Variants in OPRD1 observed in about 807,000 individuals in gnomAD.
The protein encoded by OPRD1 is opioid receptor delta 1, also known as delta-type opioid receptor.
OPRD1 carries 19 observed loss-of-function variants against 17.5 expected under a neutral mutation model. The ratio of observed to expected loss-of-function variants is 1.09; its 90% CI spans 0.76 to 1.60. The LOEUF (loss-of-function observed/expected upper bound fraction) is 1.60. Among genes scored for constraint, OPRD1 ranks in the 40% most tolerant of loss-of-function variants. The pLI, the probability that OPRD1 is intolerant of heterozygous loss-of-function variation, is 0.00. For missense variants in OPRD1, 483 were observed against 547.2 expected, an observed-to-expected ratio of 0.88 and a Z score of 1.17; for synonymous variants, 256 against 240.9, an observed-to-expected ratio of 1.06 and a Z score of -0.58.
chr1:28,861,973 A>G (rs1192088623), intron 2 of OPRD1, among the ~76,000 whole-genome samples: 2 of 146,898 alleles, frequency 1.4e-5, no homozygotes, highest in Non-Finnish European at 3.0e-5. Context: ...GTCCAGTGGC[A>G]CGATCTCGGC....
intron 1 of OPRD1, among the ~76,000 whole-genome samples, chr1:28,825,737 A>G (rs1447394500): frequency 6.6e-6 from 1 of 152,238 alleles, no homozygotes; most frequent in African/African-American, 2.4e-5. Flanking sequence ...CTGATAACAC[A>G]TGATAGGCCT....
At chr1:28,848,742 C>G (rs1250028248) in intron 1 of OPRD1, among the ~76,000 whole-genome samples, 1 of 152,198 alleles carries the variant, frequency 6.6e-6, no homozygotes, top group Non-Finnish European at 1.5e-5. Flanking sequence ...GGCACTTAGA[C>G]TGAGTTCAAT....
intron 1 of OPRD1, among the ~76,000 whole-genome samples, chr1:28,823,383 G>A (rs796876667): frequency 7.2e-5 from 10 of 139,702 alleles, no homozygotes; most frequent in East Asian, 4.0e-4. Flanking sequence ...AATTTTATTT[G>A]TTTGTTTATT....
rs1338902172 is a variant in OPRD1, at chr1:28,866,782, G to A, written c.*3499G>A. Reference sequence around the variant, plus strand: ...TTTTCCATGAACTTTTGTTCCTCCTGAAGCTCTCCAAATCTTCACGTTTCA... The same window carrying A: ...TTTTCCATGAACTTTTGTTCCTCCTAAAGCTCTCCAAATCTTCACGTTTCA... On this transcript the variant is annotated 3_prime_UTR_variant, in exon 3 of 3. Transcript: ENST00000234961. 1 of 152,174 alleles carries A rather than the reference G, an allele frequency of 6.6e-6. No homozygotes were observed. The highest frequency in any genetic ancestry group is 1.5e-5 in the Non-Finnish European group (1 of 68,030). 9.4% of individuals were successfully genotyped at this position (152,174 alleles called of 1,614,324 possible).
At chr1:28,836,735 A>G (rs889709977) in intron 1 of OPRD1, among the ~76,000 whole-genome samples, 14 of 152,196 alleles carry the variant, frequency 9.2e-5, no homozygotes, top group Middle Eastern at 3.4e-3. Flanking sequence ...TGTTTGATAC[A>G]GGGCCTCTCT....
chr1:28,855,517 G>A (rs1273382021), intron 1 of OPRD1, among the ~76,000 whole-genome samples: 9 of 152,070 alleles, frequency 5.9e-5, no homozygotes, highest in East Asian at 1.9e-4. Context: ...GGGAGTCTAC[G>A]GTGGCCAGAA....
chr1:28,812,271 GCGGCAGCCGGCGGCGTC>G lies in OPRD1; in HGVS notation c.-112_-96del. ...GCAGAGACAGCGGGGCGGCCGGGGCGCGGCAGCCGGCGGCGTCGGGGCCGCGGCCTCTGCCTTGCCGC... is the reference window on the plus strand; with the variant it reads ...GCAGAGACAGCGGGGCGGCCGGGGCGGGGGCCGCGGCCTCTGCCTTGCCGC... On this transcript the variant is annotated 5_prime_UTR_variant, in exon 1 of 3. Transcript: ENST00000234961. The G allele has an allele frequency of 4.9e-6, 3 of 611,000 alleles. No individual in the cohort carries two copies. Among genetic ancestry groups the G allele is most frequent in the Non-Finnish European group, 6.7e-6 (3 of 448,712 alleles). 37.8% of individuals were successfully genotyped at this position (611,000 alleles called of 1,614,324 possible). A position where few individuals can be genotyped will look rare whatever the true frequency, so the allele number is the denominator to read the frequency against.
intron 1 of OPRD1, among the ~76,000 whole-genome samples, chr1:28,820,396 T>A (rs1301184163): frequency 6.6e-6 from 1 of 151,904 alleles, no homozygotes; most frequent in African/African-American, 2.4e-5. Context: ...GGTTTCACCA[T>A]GATGGCCAGG....
chr1:28,820,180 T>G (rs562741684), intron 1 of OPRD1, among the ~76,000 whole-genome samples: 1 of 151,264 alleles, frequency 6.6e-6, no homozygotes, highest in African/African-American at 2.4e-5. Context: ...TTATCGAGCC[T>G]CAGAGGAACT....
chr1:28,853,299 G>C (rs1010064878), intron 1 of OPRD1, among the ~76,000 whole-genome samples: 1 of 152,218 alleles, frequency 6.6e-6, no homozygotes, highest in African/African-American at 2.4e-5. Flanking sequence ...AGATGATCCT[G>C]CAGCTGCCTC....
chr1:28,824,417 C>T (rs2088746152), intron 1 of OPRD1, among the ~76,000 whole-genome samples: 1 of 149,618 alleles, frequency 6.7e-6, no homozygotes, highest in South Asian at 2.1e-4. Context: ...GGGTTCACGG[C>T]ATTCTCCTGC....
intron 1 of OPRD1, among the ~76,000 whole-genome samples, chr1:28,818,086 T>C (rs767267937): frequency 6.6e-6 from 1 of 152,170 alleles, no homozygotes; most frequent in Non-Finnish European, 1.5e-5. Context: ...AGATCGAGCA[T>C]GGAAAGGCTG....
At chr1:28,836,253 C>T (rs1199996912) in intron 1 of OPRD1, among the ~76,000 whole-genome samples, 2 of 152,110 alleles carry the variant, frequency 1.3e-5, no homozygotes, top group African/African-American at 2.4e-5. Context: ...CGGTGGCTCA[C>T]GTCTGTAATC....
chr1:28,812,911 T>C (rs1012452087), intron 1 of OPRD1, among the ~76,000 whole-genome samples: 12 of 152,202 alleles, frequency 7.9e-5, no homozygotes, highest in African/African-American at 2.9e-4. Context: ...TCAGTTTGTG[T>C]GTCTGTCACA....
intron 1 of OPRD1, among the ~76,000 whole-genome samples, chr1:28,816,175 G>T (rs981319703): frequency 6.6e-6 from 1 of 152,108 alleles, no homozygotes; most frequent in African/African-American, 2.4e-5. Context: ...AAACCACACC[G>T]TGCTCCAGAC....
intron 1 of OPRD1, among the ~76,000 whole-genome samples, chr1:28,823,995 T>C (rs1034150392): frequency 6.6e-6 from 1 of 150,888 alleles, no homozygotes; most frequent in Admixed American, 6.6e-5. Flanking sequence ...CTGGCCAACA[T>C]GGTGAAACTT....
intron 1 of OPRD1, among the ~76,000 whole-genome samples, chr1:28,818,332 G>A (rs1487500456): frequency 2.0e-5 from 3 of 152,062 alleles, no homozygotes; most frequent in Admixed American, 1.3e-4. Context: ...ACCTCCATAC[G>A]CCCCCTGGCT....
At chr1:28,861,388 A>T (rs908437050) in intron 2 of OPRD1, among the ~76,000 whole-genome samples, 13 of 152,110 alleles carry the variant, frequency 8.5e-5, no homozygotes, top group African/African-American at 3.1e-4. Context: ...CTCAAGAAGG[A>T]AGTCCTTGAG....
chr1:28,862,585 CGAG>C (rs2089133033), intron 2 of OPRD1, among the ~76,000 whole-genome samples, 154 bp from the exon 3 acceptor site: 1 of 152,184 alleles, frequency 6.6e-6, no homozygotes, highest in Non-Finnish European at 1.5e-5. Context: ...GTACCGAAGC[CGAG>C]GAGGACACTC....
Sources: allele counts gnomAD v4.1 joint callset (sites outside exome capture counted in the v4.1 genomes callset), GRCh38; gene constraint gnomAD v4.1.1; transcripts MANE v1.5; gene names NCBI Gene and HGNC (gene_info 2026-07-23, HGNC 2026-07-21).